The following BCL6 variants were observed in gnomAD, a reference collection of about 807,000 sequenced individuals.
The protein encoded by BCL6 is B-cell lymphoma 6 protein.
A neutral mutation model predicts 59.5 loss-of-function variants in BCL6; 7 were observed. That is an observed-to-expected ratio of 0.12 (90% CI 0.07 to 0.22). The LOEUF (loss-of-function observed/expected upper bound fraction) is 0.22, where lower values mean the gene tolerates loss of function less well. Ranked by LOEUF, BCL6 falls within the 10% of genes least tolerant of loss-of-function variation. The pLI, the probability that BCL6 is intolerant of heterozygous loss-of-function variation, is 1.00. For missense variants in BCL6, 685 were observed against 939.4 expected, an observed-to-expected ratio of 0.73 and a Z score of 3.54; for synonymous variants, 339 against 349.7, an observed-to-expected ratio of 0.97 and a Z score of 0.34.
At chr3:187,735,722 C>T (rs1719253220) in intron 1 of BCL6, among the ~76,000 whole-genome samples, 1 of 152,136 alleles carries the variant, frequency 6.6e-6, no homozygotes, top group Non-Finnish European at 1.5e-5. Context: ...ATATGTACCT[C>T]CTTCCAAACC....
intron 1 of BCL6, among the ~76,000 whole-genome samples, chr3:187,745,158 G>T (rs186235514): frequency 6.6e-6 from 1 of 152,218 alleles, no homozygotes; most frequent in African/African-American, 2.4e-5. Flanking sequence ...TATATCCTAT[G>T]GTGGGAGAGA....
intron 1 of BCL6, among the ~76,000 whole-genome samples, chr3:187,735,310 C>T (rs527312964): frequency 6.6e-6 from 1 of 152,328 alleles, no homozygotes; most frequent in East Asian, 1.9e-4. Context: ...CACTGGACGT[C>T]ATTCAAAACC....
intron 2 of BCL6, chr3:187,733,904 A>T: frequency 1.7e-6 from 1 of 602,360 alleles, no homozygotes; most frequent in Non-Finnish European, 2.9e-6. Flanking sequence ...TTTATCCAAC[A>T]AGTTGGGATA....
chr3:187,726,703 G>A (rs1718715707), intron 7 of BCL6, 28 bp downstream of exon 7: 2 of 1,609,552 alleles, frequency 1.2e-6, no homozygotes, highest in African/African-American at 1.3e-5. Flanking sequence ...ATTGTGGAGA[G>A]TTCGGGTCGT....
intron 6 of BCL6, among the ~76,000 whole-genome samples, chr3:187,727,345 C>G (rs1718763677): frequency 6.6e-6 from 1 of 152,220 alleles, no homozygotes; most frequent in African/African-American, 2.4e-5. Flanking sequence ...ATAATAAATC[C>G]CTGTCCTGCC....
chr3:187,740,836 G>A (rs1711561600), intron 1 of BCL6, among the ~76,000 whole-genome samples: 1 of 152,258 alleles, frequency 6.6e-6, no homozygotes, highest in Non-Finnish European at 1.5e-5. Flanking sequence ...GCAAATAGAT[G>A]CTCATCGCTG....
intron 3 of BCL6, among the ~76,000 whole-genome samples, chr3:187,732,186 T>C (rs1719080027): frequency 6.6e-6 from 1 of 152,196 alleles, no homozygotes; most frequent in Admixed American, 6.5e-5. Context: ...GGAACTAAGA[T>C]CAGGGGGGTT....
At chr3:187,744,700 G>C (rs1221874545) in intron 1 of BCL6, among the ~76,000 whole-genome samples, 1 of 152,142 alleles carries the variant, frequency 6.6e-6, no homozygotes, top group African/African-American at 2.4e-5. Context: ...GGGCGAGCGA[G>C]CGGGCAGCCT....
Position 187,725,661 on chromosome 3 carries a change from C to G in BCL6, c.1709-32G>C, listed in dbSNP as rs986864705. The G allele has an allele frequency of 6.2e-7, 1 of 1,613,614 alleles. No individual in the cohort carries two copies. Among genetic ancestry groups the G allele is most frequent in the Non-Finnish European group, 8.5e-7 (1 of 1,179,766 alleles). ...CCAAGAAAAAGGGAAAAAGAAAAGC[C>G]ATATTCAATAAGGAAGGTCTCTGCA... is the stretch of plus-strand genomic sequence containing the variant. On this transcript the variant is annotated intron_variant, in intron 7 of 9. Transcript: ENST00000406870. This position sits in a 1 kb window ranked among gnomAD's most constrained non-coding sequence, Gnocchi z 4.7.
chr3:187,745,095 A>C (rs547815584), intron 1 of BCL6, among the ~76,000 whole-genome samples: 1 of 152,234 alleles, frequency 6.6e-6, no homozygotes, highest in African/African-American at 2.4e-5. Flanking sequence ...AGCCTCCCCA[A>C]ACCGGCCGAT....
intron 2 of BCL6, chr3:187,734,488 C>T (rs1301418552): frequency 6.6e-6 from 1 of 152,224 alleles, no homozygotes; most frequent in Non-Finnish European, 1.5e-5. Flanking sequence ...AAATACATTC[C>T]TCGTTCATAG....
At chr3:187,730,185 A>G (rs1718972385) in intron 4 of BCL6, among the ~76,000 whole-genome samples, 164 bp from the exon 5 acceptor site, 1 of 152,240 alleles carries the variant, frequency 6.6e-6, no homozygotes, top group South Asian at 2.1e-4. Context: ...TTATGCTAGA[A>G]GCCTGGAAAT....
chr3:187,740,479 T>A (rs1711546651), intron 1 of BCL6, among the ~76,000 whole-genome samples: 1 of 151,668 alleles, frequency 6.6e-6, no homozygotes, highest in Non-Finnish European at 1.5e-5. Flanking sequence ...TGGGGAGCGG[T>A]TTCCAATGAA....
intron 1 of BCL6, among the ~76,000 whole-genome samples, chr3:187,740,001 G>A (rs2108478561): frequency 6.6e-6 from 1 of 152,266 alleles, no homozygotes; most frequent in East Asian, 1.9e-4. Context: ...GCGTTTCTCC[G>A]ACGCGGCCTC....
chr3:187,744,791 G>C (rs534311626), intron 1 of BCL6, among the ~76,000 whole-genome samples: 1 of 149,018 alleles, frequency 6.7e-6, no homozygotes, highest in Admixed American at 6.9e-5. Flanking sequence ...AGGGAGGGAA[G>C]CGGAGGCCAG....
At chr3:187,744,966 C>T (rs1158137869) in intron 1 of BCL6, among the ~76,000 whole-genome samples, 3 of 152,150 alleles carry the variant, frequency 2.0e-5, no homozygotes, top group South Asian at 2.1e-4. Context: ...CCCAGACTAG[C>T]CCGAATCACC....
chr3:187,722,860 C>T (rs1490971535), intron 9 of BCL6, among the ~76,000 whole-genome samples: 1 of 152,198 alleles, frequency 6.6e-6, no homozygotes, highest in Non-Finnish European at 1.5e-5. Flanking sequence ...CTTAACTCCA[C>T]AAGTTTGAGT....
In BCL6 at chr3:187,745,405, A is replaced by T; in HGVS notation, c.-50+5T>A. ...AGCAGCGGCGGCAGCAACAGCAATA[A>T]TCACCTGGTGTCCGGCCTTTCCTAG... On this transcript the variant is annotated splice_donor_5th_base_variant and intron_variant, in intron 1 of 9. Coordinates refer to ENST00000406870, the MANE Select transcript of BCL6 (RefSeq NM_001706.5). The T allele has an allele frequency of 2.5e-6, 1 of 401,556 alleles. No homozygotes were observed. The highest frequency in any genetic ancestry group is 4.4e-6 in the Non-Finnish European group (1 of 227,528). The allele number at this position is 401,556 out of a possible 1,614,324, so 24.9% of individuals were successfully genotyped here. A position where few individuals can be genotyped will look rare whatever the true frequency, so the allele number is the denominator to read the frequency against.
At chr3:187,737,347 C>CAGAGAGAGAGAGAG (rs67618905) in intron 1 of BCL6, 34 of 68,468 alleles carry the variant, frequency 5.0e-4, no homozygotes, top group African/African-American at 1.7e-3. Context: ...GCAGAAACGA[C>CAGAGAGAGAGAGAG]AGAGAGAGAG....
Sources: allele counts gnomAD v4.1 joint callset (sites outside exome capture counted in the v4.1 genomes callset), GRCh38; gene constraint gnomAD v4.1.1; non-coding constraint Gnocchi (gnomAD v3.1); transcripts MANE v1.5; gene names NCBI Gene and HGNC (gene_info 2026-07-23, HGNC 2026-07-21).